ABCD3: variants seen among roughly 807,000 people sequenced by gnomAD.
The protein encoded by ABCD3 is ATP-binding cassette sub-family D member 3.
ABCD3 carries 41 observed loss-of-function variants against 105.5 expected under a neutral mutation model. That is an observed-to-expected ratio of 0.39 (90% CI 0.30 to 0.50). The LOEUF (loss-of-function observed/expected upper bound fraction) is 0.50. ABCD3 is among the 20% of genes least tolerant of loss of function. The probability of loss-of-function intolerance (pLI) is 0.84; values close to 1 mark genes in which losing one functional copy is unlikely to be tolerated. For synonymous variants in ABCD3, 258 were observed against 269.0 expected, an observed-to-expected ratio of 0.96 and a Z score of 0.40; for missense variants, 622 against 806.3, an observed-to-expected ratio of 0.77 and a Z score of 2.77.
upstream of ABCD3, among the ~76,000 whole-genome samples, chr1:94,414,796 T>A (rs1008594057): frequency 1.3e-5 from 2 of 152,218 alleles, no homozygotes; most frequent in Non-Finnish European, 1.5e-5. Context: ...TCCTCTTTTT[T>A]CCATCTGTTT....
the ABCD3 span, among the ~76,000 whole-genome samples, chr1:94,407,922 T>C: frequency 2.6e-5 from 4 of 152,380 alleles, no homozygotes; most frequent in African/African-American, 9.6e-5. Context: ...TAAAGTGTTA[T>C]TGGAACACAG....
upstream of ABCD3, among the ~76,000 whole-genome samples, chr1:94,417,190 T>C (rs985023661): frequency 4.6e-5 from 7 of 152,210 alleles, no homozygotes; most frequent in African/African-American, 1.7e-4. Flanking sequence ...AGTGAATTAG[T>C]AGGAGCTTCA....
intron 6 of ABCD3, 83 bp from the exon 7 acceptor site, chr1:94,475,531 A>G: frequency 7.1e-7 from 1 of 1,404,120 alleles, no homozygotes; most frequent in Non-Finnish European, 1.0e-6. Flanking sequence ...TATTTGAGCT[A>G]GGTGGTGTAA....
At chr1:94,469,785 C>A (rs934083511) in intron 4 of ABCD3, among the ~76,000 whole-genome samples, 1 of 151,596 alleles carries the variant, frequency 6.6e-6, no homozygotes, top group Non-Finnish European at 1.5e-5. Context: ...CCTGCCTCAG[C>A]CTCCTGAATA....
intron 7 of ABCD3, among the ~76,000 whole-genome samples, chr1:94,476,094 A>G (rs1648726819): frequency 6.6e-6 from 1 of 152,168 alleles, no homozygotes; most frequent in Non-Finnish European, 1.5e-5. Flanking sequence ...CACTTATAAC[A>G]CTAGACTAGG....
chr1:94,487,278 A>G (rs1052276324), intron 10 of ABCD3, among the ~76,000 whole-genome samples: 1 of 152,188 alleles, frequency 6.6e-6, no homozygotes, highest in African/African-American at 2.4e-5. Flanking sequence ...CATGCAAGAG[A>G]AACAGCATTG....
rs75418934 is a variant in ABCD3, at chr1:94,458,618, G to A, written c.122G>A (p.Gly41Glu). ...RALGLHGKKS[G>E]KPPLQNNEKE... ...TTTTTCCTCTGCAGTAAGAAAAGTG[G>A]AAAACCACCATTACAGAACAATGAG... is the stretch of plus-strand genomic sequence containing the variant. Residue 41 changes from glycine to glutamate, a missense_variant, in exon 2 of 23, where the codon GGA (glycine) becomes GAA (glutamate). Coordinates refer to ENST00000370214, the MANE Select transcript of ABCD3 (RefSeq NM_002858.4). The A allele has an allele frequency of 6.5e-4, 1,041 of 1,612,582 alleles. 1 individual carries two copies. The highest frequency in any genetic ancestry group is 8.2e-4 in the Non-Finnish European group (970 of 1,179,054).
At chr1:94,400,678 G>C in the ABCD3 span, among the ~76,000 whole-genome samples, 6 of 152,194 alleles carry the variant, frequency 3.9e-5, no homozygotes, top group African/African-American at 9.7e-5. Flanking sequence ...CCAGCACCTA[G>C]AGAAAGAGGA....
Position 94,480,520 on chromosome 1 carries a change from T to C in ABCD3, c.741T>C (p.Leu247=). 1 of 1,613,900 alleles carries C rather than the reference T, an allele frequency of 6.2e-7. No individual in the cohort carries two copies. ...LVVSGLFLTR[L]RRPIGKMTIT... ...TTTCTGGGCTATTCCTAACTCGACT[T>C]CGAAGACCCATTGGTAAGATGACAA... Residue 247 remains leucine (L), a synonymous_variant, in exon 9 of 23, where the codon CTT becomes CTC. Transcript: ENST00000370214.
chr1:94,507,080 G>A (rs936590376), intron 21 of ABCD3, among the ~76,000 whole-genome samples: 5 of 151,838 alleles, frequency 3.3e-5, no homozygotes, highest in Non-Finnish European at 4.4e-5. Flanking sequence ...ATGCTGGTGC[G>A]CTGCACCCAC....
intron 1 of ABCD3, among the ~76,000 whole-genome samples, chr1:94,450,803 C>G (rs960333233): frequency 3.9e-5 from 6 of 152,176 alleles, no homozygotes; most frequent in African/African-American, 1.4e-4. Flanking sequence ...TTTACCCCTT[C>G]TAGTAGTTTA....
At chr1:94,491,340 C>T (rs1176108592) in intron 16 of ABCD3, 93 bp downstream of exon 16, 4 of 922,356 alleles carry the variant, frequency 4.3e-6, no homozygotes, top group Middle Eastern at 3.1e-4. Context: ...CTTTAAGGCT[C>T]GACTTAGTCT....
chr1:94,455,169 A>AAT (rs1647486296), intron 1 of ABCD3, among the ~76,000 whole-genome samples: 1 of 152,200 alleles, frequency 6.6e-6, no homozygotes, highest in Non-Finnish European at 1.5e-5. Context: ...GTATTAATGT[A>AAT]AAGTCAAGAA....
chr1:94,385,337 A>C, the ABCD3 span, among the ~76,000 whole-genome samples: 3 of 152,212 alleles, frequency 2.0e-5, no homozygotes, highest in Non-Finnish European at 4.4e-5. Flanking sequence ...GACTGGAAGG[A>C]GACCTCTGAT....
intron 21 of ABCD3, among the ~76,000 whole-genome samples, chr1:94,507,114 A>G (rs1053900821): frequency 6.6e-6 from 1 of 151,950 alleles, no homozygotes; most frequent in Non-Finnish European, 1.5e-5. Context: ...AGCATTAGGT[A>G]TATCTCCCAA....
chr1:94,410,366 C>T, the ABCD3 span, among the ~76,000 whole-genome samples: 3 of 152,052 alleles, frequency 2.0e-5, no homozygotes, highest in Admixed American at 2.0e-4. Context: ...CTTTTGAATT[C>T]CTTTTAGGTG....
chr1:94,514,908 T>C, intron 21 of ABCD3: 1 of 488,078 alleles, frequency 2.0e-6, no homozygotes, highest in Non-Finnish European at 3.7e-6. Flanking sequence ...GATATGTTTT[T>C]TGCCCAAAAG....
Position 94,478,476 on chromosome 1 carries a change from C to T in ABCD3, c.684+161C>T, listed in dbSNP as rs142039377. 2.0e-5 allele frequency: 27 copies of T among 1,317,886 alleles called. No homozygotes were observed. The Admixed American group carries it at 2.5e-4, about 12-fold the overall frequency. 81.6% of individuals were successfully genotyped at this position (1,317,886 alleles called of 1,614,324 possible). A position where few individuals can be genotyped will look rare whatever the true frequency, so the allele number is the denominator to read the frequency against. Reference sequence around the variant, plus strand: ...TCTGGTTATAAAATAATACTTCATTCGAGATTTTAGAAGTACTAATTTTTC... The same window carrying T: ...TCTGGTTATAAAATAATACTTCATTTGAGATTTTAGAAGTACTAATTTTTC... On this transcript the variant is annotated intron_variant, in intron 8 of 22. Transcript: ENST00000370214.
intron 16 of ABCD3, among the ~76,000 whole-genome samples, chr1:94,498,141 C>T (rs1649906164): frequency 6.6e-6 from 1 of 152,146 alleles, no homozygotes; most frequent in Admixed American, 6.5e-5. Flanking sequence ...TCATAGCTCA[C>T]TGCATCCTTA....
Sources: allele counts gnomAD v4.1 joint callset (sites outside exome capture counted in the v4.1 genomes callset), GRCh38; gene constraint gnomAD v4.1.1; transcripts MANE v1.5; gene names NCBI Gene and HGNC (gene_info 2026-07-23, HGNC 2026-07-21).